VPS39: variants seen among roughly 807,000 people sequenced by gnomAD.
VPS39 encodes vam6/Vps39-like protein.
VPS39 carries 70 observed loss-of-function variants against 121.0 expected under a neutral mutation model. That is an observed-to-expected ratio of 0.58 (90% confidence interval 0.48 to 0.71). The LOEUF is 0.71. Among genes scored for constraint, VPS39 ranks in the 30% least tolerant of loss-of-function variants. The pLI, the probability that VPS39 is intolerant of heterozygous loss-of-function variation, is 0.00. For synonymous variants in VPS39, 378 were observed against 398.1 expected (o/e 0.95, Z 0.60); for missense variants, 818 against 1,051.5 (o/e 0.78, Z 3.07).
chr15:42,200,719 T>C (rs893334240), intron 1 of VPS39, among the ~76,000 whole-genome samples: 4 of 152,100 alleles, frequency 2.6e-5, no homozygotes, highest in African/African-American at 9.7e-5. Flanking sequence ...CCAACAGAAA[T>C]GAAAACATAT....
intron 14 of VPS39, 47 bp from the exon 15 acceptor site, chr15:42,166,696 G>T: frequency 6.2e-7 from 1 of 1,614,008 alleles, no homozygotes; most frequent in South Asian, 1.1e-5. Context: ...TTCCCCACGG[G>T]AGATTTCCAT....
intron 10 of VPS39, among the ~76,000 whole-genome samples, chr15:42,177,632 A>G (rs2049482278): frequency 6.6e-6 from 1 of 152,008 alleles, no homozygotes; most frequent in African/African-American, 2.4e-5. Flanking sequence ...TTTCATGACC[A>G]TACAATATAT....
rs1333911239 is a variant in VPS39, at chr15:42,166,923, G to C, written c.1378-10C>G. 4 of 1,614,084 alleles carry C rather than the reference G, an allele frequency of 2.5e-6. No individual in the cohort carries two copies. In the South Asian group the frequency reaches 4.4e-5, roughly 18 times the overall value. On this transcript the variant is annotated splice_polypyrimidine_tract_variant and intron_variant, in intron 13 of 24. Transcript: ENST00000318006. ...CCAGGGCCACATTTGTCTGCAGAAA[G>C]AGCAGGAGTTCAGTGGAAACTGCTT...
At position 42,208,114 on chromosome 15, in the gene VPS39, G is replaced by T; in HGVS notation, c.40C>A (p.Leu14Met). The T allele has an allele frequency of 1.3e-6, 2 of 1,590,734 alleles. No homozygotes were observed. The highest frequency in any genetic ancestry group is 2.3e-5 in the East Asian group (1 of 43,794). Residue 14 changes from leucine to methionine, a missense_variant, in exon 1 of 25, where the codon CTG becomes ATG. Physicochemically the swap from Leu to Met is conservative, Grantham distance 15. Coordinates refer to ENST00000318006, the MANE Select transcript of VPS39 (RefSeq NM_015289.5). Reference protein sequence around the residue: ...AFEPVPILEKLPLQIDCLAAW... With the variant: ...AFEPVPILEKMPLQIDCLAAW... ...GCCAGACAGTCGATTTGCAGAGGCA[G>T]CTTTTCTAGGATCGGCACTGGCTCG...
In VPS39 at chr15:42,189,222, G is replaced by T. The variant is rs2049770326; in HGVS notation, c.248-14C>A. The T allele has an allele frequency of 1.9e-6, 3 of 1,590,896 alleles. No individual in the cohort carries two copies. The highest frequency in any genetic ancestry group is 3.3e-5 in the Admixed American group (2 of 59,930). On this transcript the variant is annotated splice_polypyrimidine_tract_variant and intron_variant, in intron 4 of 24. Coordinates refer to ENST00000318006, the MANE Select transcript of VPS39 (RefSeq NM_015289.5). ...AAATGTTATTTTCTGTTTGGGAGGA[G>T]GTATAACATCAGGATCAATGATCAT...
chr15:42,186,268 C>T (rs894035050), intron 7 of VPS39, among the ~76,000 whole-genome samples: 3 of 126,228 alleles, frequency 2.4e-5, no homozygotes. Flanking sequence ...CCCATCTCTA[C>T]AAAAATACAA....
Position 42,184,575 on chromosome 15 carries a change from C to T in VPS39, c.660G>A (p.Glu220=), listed in dbSNP as rs751274801. 6 of 1,614,140 alleles carry T rather than the reference C, an allele frequency of 3.7e-6. No homozygotes were observed. The highest frequency in any genetic ancestry group is 5.1e-6 in the Non-Finnish European group (6 of 1,180,022). ...GQDDLTVVLN[E]EGICTQKCAL... is the part of the protein sequence containing the mutation. ...CACATTTCTGTGTGCAGATCCCTTC[C>T]TCATTGAGTACCACGGTGAGATCAT... Residue 220 remains glutamate (E), a synonymous_variant, in exon 8 of 25, where the codon GAG becomes GAA. Coordinates refer to ENST00000318006, the MANE Select transcript of VPS39 (RefSeq NM_015289.5).
rs1800288654 is a variant in VPS39, at chr15:42,173,845, T to G, written c.968A>C (p.Lys323Thr). ...FELALQLAEMKDDSDSEKQQQ... is the reference protein window; with the variant it reads ...FELALQLAEMTDDSDSEKQQQ... ...CTGCTTTTCACTGTCAGAATCATCT[T>G]TCATTTCCTAATAACGGAGCAGAAT... Residue 323 changes from lysine to threonine, a missense_variant, in exon 11 of 25, where the codon AAA (lysine) becomes ACA (threonine). Physicochemically the swap from Lys to Thr is moderately conservative, Grantham distance 78. Transcript: ENST00000318006. 3.7e-6 allele frequency: 6 copies of G among 1,614,152 alleles called. No individual in the cohort carries two copies. Among genetic ancestry groups the G allele is most frequent in the Non-Finnish European group, 4.2e-6 (5 of 1,179,982 alleles).
intron 8 of VPS39, chr15:42,178,940 G>A (rs537365775): frequency 1.6e-5 from 3 of 188,862 alleles, no homozygotes; most frequent in African/African-American, 4.6e-5. Flanking sequence ...CCAGGAGTTT[G>A]AGGCTGCAAT....
At chr15:42,168,543 CTTTTT>C (rs773910224) in intron 12 of VPS39, among the ~76,000 whole-genome samples, 1 of 136,748 alleles carries the variant, frequency 7.3e-6, no homozygotes. Context: ...AATACTTCTT[CTTTTT>C]TTTTTTTTTT....
rs372608164 is a variant in VPS39, at chr15:42,175,385, C to T, written c.961-1533G>A. Among the ~76,000 whole-genome samples the T allele has an allele frequency of 2.7e-4, 38 of 138,796 alleles. No homozygotes were observed. The East Asian group carries it at 7.4e-3, about 27-fold the overall frequency. 91.1% of individuals were successfully genotyped at this position (138,796 alleles called of 152,430 possible). A position where few individuals can be genotyped will look rare whatever the true frequency, so the allele number is the denominator to read the frequency against. On this transcript the variant is annotated intron_variant, in intron 10 of 24. Transcript: ENST00000318006. ...ATTGCACCACTGCACTCCAGCCTGG[C>T]GATAGAGGAAGACTCTGTCTCGGGA...
chr15:42,197,441 T>C (rs1416331747), intron 2 of VPS39, among the ~76,000 whole-genome samples: 2 of 150,942 alleles, frequency 1.3e-5, no homozygotes, highest in Admixed American at 6.6e-5. Context: ...TGGTCCCATC[T>C]ACCTGGGAGG....
chr15:42,198,453 C>T (rs2049990498), intron 2 of VPS39, among the ~76,000 whole-genome samples: 1 of 152,096 alleles, frequency 6.6e-6, no homozygotes, highest in Non-Finnish European at 1.5e-5. Context: ...TGGGCTCAAG[C>T]GATCCTCTCA....
At chr15:42,207,658 C>T (rs2050203287) in intron 1 of VPS39, among the ~76,000 whole-genome samples, 1 of 152,138 alleles carries the variant, frequency 6.6e-6, no homozygotes, top group South Asian at 2.1e-4. Flanking sequence ...GTTCAATGCC[C>T]CCAAAACCAG....
At chr15:42,173,582 C>G in intron 11 of VPS39, 141 bp downstream of exon 11, 1 of 1,122,646 alleles carries the variant, frequency 8.9e-7, no homozygotes, top group Non-Finnish European at 1.3e-6. Flanking sequence ...GGTCACCCCA[C>G]AGGATCTTGC....
At chr15:42,179,615 AAAT>A (rs1403705763) in intron 8 of VPS39, among the ~76,000 whole-genome samples, 5 of 140,146 alleles carry the variant, frequency 3.6e-5, no homozygotes, top group African/African-American at 5.5e-5. Context: ...ATAAATAAAT[AAAT>A]AAATAAAATA....
At chr15:42,190,306 G>A (rs1250670214) in intron 4 of VPS39, among the ~76,000 whole-genome samples, 1 of 152,012 alleles carries the variant, frequency 6.6e-6, no homozygotes, top group Non-Finnish European at 1.5e-5. Flanking sequence ...ATTTTACCTG[G>A]GCCTCATATC....
rs780746454 is a variant in VPS39 at position 42,163,696 on chromosome 15, G to A, written c.2059C>T (p.Arg687Cys). 19 of 1,613,618 alleles carry A rather than the reference G, an allele frequency of 1.2e-5. No homozygotes were observed. Among genetic ancestry groups the A allele is most frequent in the East Asian group, 4.5e-5 (2 of 44,872 alleles). ...LLEERALLLG[R>C]MGKHEQALFI... is the part of the protein sequence containing the mutation. ...AGAGCTTGTTCATGTTTCCCCATGC[G>A]CCCCAACAGGAGAGCTCGTTCTTCT... Residue 687 changes from arginine (R) to cysteine (C), a missense_variant, in exon 20 of 25, where the codon CGC (arginine) becomes TGC (cysteine). Arg to Cys is a radical substitution (Grantham distance 180, BLOSUM62 -3). Coordinates refer to ENST00000318006, the MANE Select transcript of VPS39 (RefSeq NM_015289.5).
At chr15:42,174,460 G>A (rs193107123) in intron 10 of VPS39, among the ~76,000 whole-genome samples, 26 of 152,206 alleles carry the variant, frequency 1.7e-4, no homozygotes, top group African/African-American at 6.0e-4. Flanking sequence ...AGGACACTAA[G>A]GACACATGAC....
Sources: gnomAD v4.1 joint callset for allele counts (sites outside exome capture counted in the v4.1 genomes callset) on GRCh38, gnomAD v4.1.1 for gene constraint, MANE v1.5 for transcripts, NCBI Gene and HGNC (gene_info 2026-07-23, HGNC 2026-07-21) for gene names.